The following POLR1D variants were observed in gnomAD, a reference collection of about 807,000 sequenced individuals.
POLR1D encodes RNA polymerase I and III subunit D, also known as DNA-directed RNA polymerases I and III subunit RPAC2.
In POLR1D, 8 loss-of-function variants were observed where a neutral mutation model predicts 10.8. The observed-to-expected ratio is 0.74, with a 90% CI of 0.43 to 1.33. The LOEUF (loss-of-function observed/expected upper bound fraction) is 1.33. POLR1D is among the 40% of genes most tolerant of loss of function. The pLI is 0.01. For missense variants in POLR1D, 152 were observed against 161.7 expected, an observed-to-expected ratio of 0.94 and a Z score of 0.32; for synonymous variants, 54 against 57.2, an observed-to-expected ratio of 0.94 and a Z score of 0.25.
chr13:27,625,715 A>G (rs1469402840), downstream of POLR1D, among the ~76,000 whole-genome samples: 1 of 152,100 alleles, frequency 6.6e-6, no homozygotes, highest in Non-Finnish European at 1.5e-5. Flanking sequence ...AGCCCTAGGC[A>G]ACTTCAGTAT....
Position 27,665,718 on chromosome 13 carries a change from G to T in POLR1D, c.134G>T (p.Arg45Ile), listed in dbSNP as rs1956409394. 3 of 1,613,724 alleles carry T rather than the reference G, an allele frequency of 1.9e-6. No homozygotes were observed. The Admixed American group carries it at 5.0e-5, about 27-fold the overall frequency. ...TGTCCTCTTGCTAGCACCAATAAAA[G>T]ATTTCTAATTAACACAATTAAAAAC... The change falls in exon 3 of 3, where the codon AGA becomes ATA. Residue 45 changes from arginine to isoleucine, a missense_variant. Coordinates refer to the POLR1D transcript ENST00000399697.
At chr13:27,629,580 T>C (rs916988133) in intron 1 of POLR1D, among the ~76,000 whole-genome samples, 1 of 152,224 alleles carries the variant, frequency 6.6e-6, no homozygotes, top group Non-Finnish European at 1.5e-5. Context: ...GTCTGTAATA[T>C]GATTTGAGGA....
chr13:27,623,654 G>C (rs2138520043), downstream of POLR1D, among the ~76,000 whole-genome samples: 1 of 66,226 alleles, frequency 1.5e-5, no homozygotes, highest in South Asian at 5.8e-4. Context: ...CATGACCCCA[G>C]TTAGATTGTT....
At chr13:27,662,212 G>T (rs1332314540) in intron 2 of POLR1D, among the ~76,000 whole-genome samples, 1 of 152,066 alleles carries the variant, frequency 6.6e-6, no homozygotes, top group Non-Finnish European at 1.5e-5. Flanking sequence ...GCCTATTTGA[G>T]AGCTATGTGT....
intron 1 of POLR1D, among the ~76,000 whole-genome samples, chr13:27,645,722 C>T (rs1805770115): frequency 6.6e-6 from 1 of 152,114 alleles, no homozygotes; most frequent in South Asian, 2.1e-4. Context: ...TGCCCTCCCA[C>T]CCAGTATCTA....
At chr13:27,641,930 C>T (rs1033302582) in intron 1 of POLR1D, among the ~76,000 whole-genome samples, 51 of 152,154 alleles carry the variant, frequency 3.4e-4, no homozygotes, top group African/African-American at 1.2e-3. Flanking sequence ...CTGTCAGAGC[C>T]AAGGCCCTAG....
chr13:27,651,054 C>A (rs1956264998), intron 2 of POLR1D: 2 of 152,180 alleles, frequency 1.3e-5, no homozygotes, highest in Non-Finnish European at 2.9e-5. Flanking sequence ...TCAACACATT[C>A]ATTAACCCTT....
chr13:27,639,337 C>G (rs1039378568), intron 1 of POLR1D, among the ~76,000 whole-genome samples: 7 of 152,114 alleles, frequency 4.6e-5, no homozygotes, highest in Admixed American at 2.6e-4. Context: ...TATTTTTAAA[C>G]CTAACATTTG....
chr13:27,638,006 AT>A (rs934874741), intron 1 of POLR1D, among the ~76,000 whole-genome samples: 3 of 152,040 alleles, frequency 2.0e-5, no homozygotes, highest in African/African-American at 4.8e-5. Flanking sequence ...TATATGTACT[AT>A]TTTTTCAAAA....
intron 2 of POLR1D, among the ~76,000 whole-genome samples, chr13:27,655,069 G>A (rs986724826): frequency 6.6e-6 from 1 of 152,078 alleles, no homozygotes; most frequent in African/African-American, 2.4e-5. Context: ...AAAATAACTA[G>A]GAGGAGAAAA....
chr13:27,658,745 A>C (rs746987861), intron 2 of POLR1D, among the ~76,000 whole-genome samples: 17 of 152,226 alleles, frequency 1.1e-4, no homozygotes, highest in Non-Finnish European at 2.4e-4. Context: ...CTTTAGGAGA[A>C]GCTGAAATAT....
intron 1 of POLR1D, among the ~76,000 whole-genome samples, chr13:27,640,277 C>A (rs758517041): frequency 9.2e-5 from 14 of 152,074 alleles, no homozygotes; most frequent in Non-Finnish European, 1.5e-4. Flanking sequence ...AGATCCAGTG[C>A]TCAGTGCAAT....
At chr13:27,661,526 C>G (rs955973838) in intron 2 of POLR1D, among the ~76,000 whole-genome samples, 3 of 151,684 alleles carry the variant, frequency 2.0e-5, no homozygotes, top group Non-Finnish European at 4.4e-5. Context: ...TGGGCATAGA[C>G]AGTGACAGAC....
intron 2 of POLR1D, among the ~76,000 whole-genome samples, chr13:27,656,891 T>C (rs1288857967): frequency 6.6e-6 from 1 of 152,230 alleles, no homozygotes; most frequent in Non-Finnish European, 1.5e-5. Flanking sequence ...TACATCCTAC[T>C]GTTGAATATT....
In POLR1D at chr13:27,621,949, C is replaced by T; in HGVS notation, c.-35C>T. The T allele has an allele frequency of 6.3e-7, 1 of 1,582,422 alleles. No homozygotes were observed. The highest frequency in any genetic ancestry group is 8.6e-7 in the Non-Finnish European group (1 of 1,163,776). ...CTATGGGACAGAGCCCCCGATCCGC[C>T]AGCACCACCTGAGGATCCAGAAACC... is the stretch of plus-strand genomic sequence containing the variant. On this transcript the variant is annotated 5_prime_UTR_variant, in exon 1 of 2. Transcript: ENST00000302979.
At chr13:27,637,783 T>G (rs1956139014) in intron 1 of POLR1D, among the ~76,000 whole-genome samples, 1 of 151,736 alleles carries the variant, frequency 6.6e-6, no homozygotes, top group Non-Finnish European at 1.5e-5. Context: ...ACTGATGGGT[T>G]TTAATACATT....
intron 1 of POLR1D, among the ~76,000 whole-genome samples, chr13:27,629,958 C>T (rs751792254): frequency 6.6e-6 from 1 of 152,172 alleles, no homozygotes; most frequent in African/African-American, 2.4e-5. Flanking sequence ...GTTGCCCAGG[C>T]TGGAGTGCAG....
chr13:27,631,689 C>T (rs57076404), intron 1 of POLR1D, among the ~76,000 whole-genome samples: 38,310 of 152,026 alleles, frequency 0.25, 4,969 homozygotes, highest in East Asian at 0.35. Context: ...ATCTCCTTGG[C>T]GGCAAGGGCT....
intron 2 of POLR1D, among the ~76,000 whole-genome samples, chr13:27,652,937 T>TTTTTG (rs1956279661): frequency 6.8e-6 from 1 of 146,016 alleles, no homozygotes; most frequent in Non-Finnish European, 1.5e-5. Flanking sequence ...TTTTTTTTTT[T>TTTTTG]GAGACGGAGT....
Sources: gnomAD v4.1 joint callset for allele counts (sites outside exome capture counted in the v4.1 genomes callset) on GRCh38, gnomAD v4.1.1 for gene constraint, MANE v1.5 for transcripts, NCBI Gene and HGNC (gene_info 2026-07-23, HGNC 2026-07-21) for gene names.